The following ANKRD45 variants were observed in gnomAD, a reference collection of about 807,000 sequenced individuals.
ANKRD45 encodes the protein ankyrin repeat domain 45, also known as ankyrin repeat domain-containing protein 45.
Under a neutral mutation model 28.1 loss-of-function variants are expected in ANKRD45, and 21 were observed. That is an observed-to-expected ratio of 0.75 (90% CI 0.53 to 1.08). The LOEUF is 1.08. ANKRD45 is among the 50% of genes least tolerant of loss of function. The pLI, the probability that ANKRD45 is intolerant of heterozygous loss-of-function variation, is 0.00. For missense variants in ANKRD45, 261 were observed against 308.7 expected (o/e 0.85, Z 1.16); for synonymous variants, 86 against 103.9 (o/e 0.83, Z 1.05).
the ANKRD45 span, among the ~76,000 whole-genome samples, chr1:173,708,901 T>C: frequency 6.6e-6 from 1 of 152,232 alleles, no homozygotes; most frequent in East Asian, 1.9e-4. Context: ...GCTCCCATCG[T>C]AGTGCTCTCT....
the ANKRD45 span, among the ~76,000 whole-genome samples, chr1:173,710,568 G>A: frequency 6.6e-6 from 1 of 152,136 alleles, no homozygotes; most frequent in African/African-American, 2.4e-5. Flanking sequence ...GTTTACTGGA[G>A]TTGTACACAT....
At chr1:173,696,915 T>C in the ANKRD45 span, among the ~76,000 whole-genome samples, 8 of 152,168 alleles carry the variant, frequency 5.3e-5, 1 homozygote, top group South Asian at 1.5e-3. Context: ...GCTAAAAACC[T>C]TGAAAAAAGA....
chr1:173,706,974 A>G, the ANKRD45 span, among the ~76,000 whole-genome samples: 34 of 152,196 alleles, frequency 2.2e-4, no homozygotes, highest in African/African-American at 7.7e-4. Context: ...ATTTTTGCCT[A>G]CTTTATAGGT....
the ANKRD45 span, among the ~76,000 whole-genome samples, chr1:173,691,649 G>T: frequency 6.6e-6 from 1 of 152,102 alleles, no homozygotes; most frequent in African/African-American, 2.4e-5. Context: ...AGCCAGGCTT[G>T]GTGGTGGGTG....
the ANKRD45 span, among the ~76,000 whole-genome samples, chr1:173,688,596 C>G: frequency 6.7e-6 from 1 of 149,940 alleles, no homozygotes; most frequent in Non-Finnish European, 1.5e-5. Flanking sequence ...CTCTCTCTCT[C>G]TGCCTCTTCC....
intron 1 of ANKRD45, among the ~76,000 whole-genome samples, chr1:173,662,690 A>G (rs944220892): frequency 6.6e-6 from 1 of 152,192 alleles, no homozygotes; most frequent in Admixed American, 6.5e-5. Context: ...TACCAGTGAT[A>G]TCAATCCTTC....
At chr1:173,648,670 A>T (rs1669040617) in intron 2 of ANKRD45, among the ~76,000 whole-genome samples, 1 of 152,204 alleles carries the variant, frequency 6.6e-6, no homozygotes, top group Admixed American at 6.5e-5. Flanking sequence ...TTTAGAGTGT[A>T]TCATCAAGTC....
chr1:173,625,040 T>C, intron 4 of ANKRD45, 115 bp from the exon 5 acceptor site: 1 of 1,102,952 alleles, frequency 9.1e-7, no homozygotes, highest in Non-Finnish European at 1.3e-6. Flanking sequence ...AAATATTCTG[T>C]ACCTGCATTG....
chr1:173,652,455 T>C (rs935091539), intron 2 of ANKRD45, among the ~76,000 whole-genome samples: 3 of 152,196 alleles, frequency 2.0e-5, no homozygotes, highest in African/African-American at 7.2e-5. Context: ...GGCAACTTGA[T>C]CATGGTGGAT....
At chr1:173,617,234 T>C (rs971832980) in intron 5 of ANKRD45, among the ~76,000 whole-genome samples, 1 of 152,060 alleles carries the variant, frequency 6.6e-6, no homozygotes, top group Non-Finnish European at 1.5e-5. Context: ...TATGCTCCCC[T>C]AGGAATAGGG....
intron 5 of ANKRD45, among the ~76,000 whole-genome samples, chr1:173,612,100 C>T (rs1398970742): frequency 6.6e-6 from 1 of 151,914 alleles, no homozygotes; most frequent in African/African-American, 2.4e-5. Context: ...AAAAATTAGC[C>T]AGGTGTGGTG....
At chr1:173,625,630 T>C (rs1667900938) in intron 4 of ANKRD45, among the ~76,000 whole-genome samples, 1 of 151,662 alleles carries the variant, frequency 6.6e-6, no homozygotes, top group Admixed American at 6.5e-5. Flanking sequence ...CAGTAGCATA[T>C]GCAGAAGTAT....
the ANKRD45 span, among the ~76,000 whole-genome samples, chr1:173,690,895 T>G: frequency 6.6e-6 from 1 of 152,094 alleles, no homozygotes; most frequent in Non-Finnish European, 1.5e-5. Context: ...CCCACTGGGA[T>G]TTTTGCCTTT....
At chr1:173,660,498 T>C (rs1379994397) in intron 1 of ANKRD45, among the ~76,000 whole-genome samples, 1 of 152,318 alleles carries the variant, frequency 6.6e-6, no homozygotes, top group African/African-American at 2.4e-5. Flanking sequence ...CTGGTATTCA[T>C]ACCTTCGTGT....
At chr1:173,613,469 C>CCCCCGCCCGGCCAGCCG (rs1667291612) in intron 5 of ANKRD45, among the ~76,000 whole-genome samples, 1 of 150,234 alleles carries the variant, frequency 6.7e-6, no homozygotes. Context: ...TGGGGGGCAG[C>CCCCCGCCCGGCCAGCCG]CCCCGCCCGG....
intron 3 of ANKRD45, among the ~76,000 whole-genome samples, chr1:173,629,488 T>C (rs1571711917): frequency 6.6e-6 from 1 of 152,210 alleles, no homozygotes; most frequent in East Asian, 1.9e-4. Flanking sequence ...GCAGTAATTA[T>C]GGAGCTGAAA....
At chr1:173,706,475 A>C in the ANKRD45 span, among the ~76,000 whole-genome samples, 5 of 151,802 alleles carry the variant, frequency 3.3e-5, no homozygotes, top group East Asian at 9.9e-4. Context: ...AGTAGCTGGG[A>C]TTACAGGTGC....
intron 3 of ANKRD45, among the ~76,000 whole-genome samples, chr1:173,634,368 C>T (rs1245178267): frequency 6.6e-6 from 1 of 151,910 alleles, no homozygotes; most frequent in African/African-American, 2.4e-5. Context: ...AGAAAGTAAA[C>T]TCCATGAAGG....
At chr1:173,616,943 C>T (rs1667490258) in intron 5 of ANKRD45, among the ~76,000 whole-genome samples, 1 of 152,138 alleles carries the variant, frequency 6.6e-6, no homozygotes, top group Non-Finnish European at 1.5e-5. Context: ...AACCCCCACC[C>T]CCAGCCAAGG....
Sources: allele counts gnomAD v4.1 joint callset (sites outside exome capture counted in the v4.1 genomes callset), GRCh38; gene constraint gnomAD v4.1.1; transcripts MANE v1.5; gene names NCBI Gene and HGNC (gene_info 2026-07-23, HGNC 2026-07-21).